DST: variants seen among roughly 807,000 people sequenced by gnomAD.
DST encodes the protein dystonin.
Under a neutral mutation model 875.2 loss-of-function variants are expected in DST, and 253 were observed. The observed-to-expected ratio is 0.29, with a 90% CI of 0.26 to 0.32. DST has a LOEUF of 0.32. DST is among the 10% of genes least tolerant of loss of function. The pLI is 1.00. For missense variants in DST, 8,287 were observed against 9,111.6 expected (o/e 0.91, Z 3.68); for synonymous variants, 3,124 against 3,197.1 (o/e 0.98, Z 0.77).
chr6:56,683,076 G>T (rs551723620), intron 9 of DST, among the ~76,000 whole-genome samples: 1 of 152,222 alleles, frequency 6.6e-6, no homozygotes, highest in African/African-American at 2.4e-5. Flanking sequence ...ACTTTTAATG[G>T]CAATTTATTC....
chr6:56,547,542 T>A (rs758362987), intron 61 of DST, among the ~76,000 whole-genome samples: 13 of 152,216 alleles, frequency 8.5e-5, no homozygotes, highest in Non-Finnish European at 1.6e-4. Flanking sequence ...AAAAACCTCT[T>A]CTGCAACAGT....
Position 56,688,608 on chromosome 6 carries a change from C to T in DST, c.1047+11045G>A, listed in dbSNP as rs2099204463. ...CACTGCACTATTCATTAGCAATTCA[C>T]CAAAGGATGGAAAGGAACAGAAATG... On this transcript the variant is annotated intron_variant, in intron 9 of 103. Coordinates refer to ENST00000680361, the MANE Select transcript of DST (RefSeq NM_001374736.1). Among the ~76,000 whole-genome samples the T allele has an allele frequency of 2.0e-5, 3 of 152,078 alleles. No homozygotes were observed. In the South Asian group the frequency reaches 6.2e-4, roughly 32 times the overall value.
intron 4 of DST, among the ~76,000 whole-genome samples, chr6:56,844,861 G>T: frequency 7.3e-6 from 1 of 137,866 alleles, no homozygotes. Context: ...GACAGAGCAA[G>T]ACTCCGTCTC....
intron 9 of DST, among the ~76,000 whole-genome samples, chr6:56,681,077 GA>G (rs2099154940): frequency 6.6e-6 from 1 of 152,154 alleles, no homozygotes; most frequent in Non-Finnish European, 1.5e-5. Context: ...CTACAAAGCT[GA>G]TACTCTTAAC....
intron 4 of DST, among the ~76,000 whole-genome samples, chr6:56,798,653 T>C (rs1206746796): frequency 6.6e-6 from 1 of 152,212 alleles, no homozygotes; most frequent in Admixed American, 6.5e-5. Flanking sequence ...CTTTCAAGTA[T>C]TATTATTTAA....
chr6:56,486,527 G>A (rs960689817), intron 87 of DST, among the ~76,000 whole-genome samples: 1 of 152,010 alleles, frequency 6.6e-6, no homozygotes, highest in African/African-American at 2.4e-5. Flanking sequence ...CAATATATTT[G>A]AACTCTACTA....
chr6:56,890,636 T>A (rs929926574), intron 3 of DST, among the ~76,000 whole-genome samples: 2 of 152,222 alleles, frequency 1.3e-5, no homozygotes, highest in African/African-American at 2.4e-5. Flanking sequence ...TTCTTATAGG[T>A]ATATTTGCAT....
intron 90 of DST, among the ~76,000 whole-genome samples, chr6:56,479,780 C>T (rs946717104): frequency 5.9e-5 from 9 of 152,228 alleles, no homozygotes; most frequent in Admixed American, 1.3e-4. Context: ...CCAAAAAGCA[C>T]GGAGGATCAC....
At chr6:56,871,859 G>T in intron 3 of DST, 1 of 266,042 alleles carries the variant, frequency 3.8e-6, no homozygotes, top group East Asian at 9.4e-5. Context: ...CCACAATGGG[G>T]TTAACAGATT....
Position 56,600,124 on chromosome 6 carries a change from G to T in DST, c.11639C>A (p.Ala3880Asp). 6.2e-7 allele frequency: 1 copy of T among 1,612,994 alleles called. No homozygotes were observed. The highest frequency in any genetic ancestry group is 8.5e-7 in the Non-Finnish European group (1 of 1,179,226). The change falls in exon 45 of 104, where the codon GCC becomes GAC. Residue 3880 changes from alanine (A) to aspartate (D), a missense_variant. Physicochemically the swap from Ala to Asp is moderately radical, Grantham distance 126. Around this residue, in one of 10 missense-constraint regions of DST, gnomAD observed 3,138 missense variants for 3,116.6 expected, o/e 1.01. Transcript: ENST00000680361. ...TENRLIGHQEAFMIGDGTVEL... is the reference protein window; with the variant it reads ...TENRLIGHQEDFMIGDGTVEL... ...AACTGTGCCATCTCCAATCATGAAG[G>T]CTTCTTGGTGACCAATTAGGCGGTT...
Position 56,553,464 on chromosome 6 carries a change from G to C in DST, c.15328C>G (p.Gln5110Glu). 2 of 1,613,074 alleles carry C rather than the reference G, an allele frequency of 1.2e-6. No homozygotes were observed. The highest frequency in any genetic ancestry group is 1.1e-5 in the South Asian group (1 of 90,820). ...HKDFSKTLTA[Q>E]SHMYEKTIAE... ...ATGGTTTTTTCATACATATGAGACT[G>C]AGCGGTCAAAGTTTTACTAAAGTCT... is the stretch of plus-strand genomic sequence containing the variant. Residue 5110 changes from glutamine (Q) to glutamate (E), a missense_variant, in exon 61 of 104, where the codon CAG becomes GAG. By Grantham distance (29) the Gln-to-Glu change is conservative. Around this residue, in one of 10 missense-constraint regions of DST, gnomAD observed 1,513 missense variants for 1,677.8 expected, o/e 0.90. Coordinates refer to ENST00000680361, the MANE Select transcript of DST (RefSeq NM_001374736.1).
At chr6:56,596,325 C>T (rs2098386410) in intron 47 of DST, among the ~76,000 whole-genome samples, 1 of 152,120 alleles carries the variant, frequency 6.6e-6, no homozygotes, top group South Asian at 2.1e-4. Context: ...CCACGCCTGG[C>T]CCAGATTAGG....
rs2098471036 is a variant in DST at position 56,603,983 on chromosome 6, C to T, written c.10645G>A (p.Glu3549Lys). The change falls in exon 40 of 104, where the codon GAA (glutamate) becomes AAA (lysine). Residue 3549 changes from glutamate (E) to lysine (K), a missense_variant. Glu to Lys is a moderately conservative substitution (Grantham distance 56). This residue lies in a region of DST where 3,138 missense variants were observed against 3,116.6 expected (regional missense o/e 1.01). Coordinates refer to ENST00000680361, the MANE Select transcript of DST (RefSeq NM_001374736.1). ...ACAGTAGAGCTTTCTAGTCCAATTT[C>T]TTTTACAGTTTCTAAATTAGGAGAA... is the stretch of plus-strand genomic sequence containing the variant. ...YYSPNLETVKEIGLESSTVWA... is the reference protein window; with the variant it reads ...YYSPNLETVKKIGLESSTVWA... 1.2e-6 allele frequency: 2 copies of T among 1,609,242 alleles called. No individual in the cohort carries two copies. The highest frequency in any genetic ancestry group is 1.7e-6 in the Non-Finnish European group (2 of 1,177,374).
intron 12 of DST, 87 bp from the exon 13 acceptor site, chr6:56,648,776 AATGT>A (rs2152794633): frequency 8.6e-7 from 1 of 1,160,678 alleles, no homozygotes; most frequent in Non-Finnish European, 1.2e-6. Context: ...TCATTCTGTA[AATGT>A]ATGTATTTGA....
chr6:56,906,359 C>G (rs1307398545), intron 2 of DST, among the ~76,000 whole-genome samples: 3 of 152,146 alleles, frequency 2.0e-5, no homozygotes, highest in Non-Finnish European at 4.4e-5. Context: ...TAAAGTCAAG[C>G]TGCAGACATA....
intron 5 of DST, among the ~76,000 whole-genome samples, chr6:56,706,726 T>C (rs1588962202): frequency 6.6e-6 from 1 of 152,040 alleles, no homozygotes; most frequent in Admixed American, 6.5e-5. Flanking sequence ...TTCACAGCCA[T>C]GTGGTGGCTC....
chr6:56,604,974 T>C lies in DST; in HGVS notation c.9654A>G (p.Leu3218=). ...LITAPPMKEH[L]QLGVNNTKEK... ...CTTTTGTATTATTAACTCCTAATTG[T>C]AAATGTTCTTTCATGGGAGGGGCAG... Residue 3218 remains leucine (L), a synonymous_variant, in exon 40 of 104, where the codon TTA becomes TTG. Coordinates refer to ENST00000680361, the MANE Select transcript of DST (RefSeq NM_001374736.1). 5.0e-6 allele frequency: 8 copies of C among 1,612,902 alleles called. No individual in the cohort carries two copies. Among genetic ancestry groups the C allele is most frequent in the Non-Finnish European group, 6.8e-6 (8 of 1,179,258 alleles).
intron 75 of DST, among the ~76,000 whole-genome samples, chr6:56,507,588 G>C (rs1190813714): frequency 6.6e-6 from 1 of 152,180 alleles, no homozygotes; most frequent in African/African-American, 2.4e-5. Context: ...AGTGGACTTT[G>C]CCAGTAGAGT....
chr6:56,872,845 TC>T (rs70989738), intron 3 of DST, among the ~76,000 whole-genome samples: 7 of 142,116 alleles, frequency 4.9e-5, no homozygotes, highest in African/African-American at 7.6e-5. Flanking sequence ...TTTTTTTTTT[TC>T]GGATATATAC....
Sources: allele counts gnomAD v4.1 joint callset (sites outside exome capture counted in the v4.1 genomes callset), GRCh38; gene constraint gnomAD v4.1.1; regional missense constraint gnomAD v4.1.1; transcripts MANE v1.5; gene names NCBI Gene and HGNC (gene_info 2026-07-23, HGNC 2026-07-21).